The following CILP variants were observed in gnomAD, a reference collection of about 807,000 sequenced individuals.
The protein encoded by CILP is cartilage intermediate layer protein 1.
In CILP, 75 loss-of-function variants were observed where a neutral mutation model predicts 82.5. That is an observed-to-expected ratio of 0.91 (90% CI 0.75 to 1.10). The LOEUF (loss-of-function observed/expected upper bound fraction) is 1.10. Among genes scored for constraint, CILP ranks in the 50% least tolerant of loss-of-function variants. The pLI, the probability that CILP is intolerant of heterozygous loss-of-function variation, is 0.00. For missense variants in CILP, 1,479 were observed against 1,530.8 expected, an observed-to-expected ratio of 0.97 and a Z score of 0.56; for synonymous variants, 530 against 580.3, an observed-to-expected ratio of 0.91 and a Z score of 1.25.
chr15:65,199,443 C>T (rs1225274442), intron 8 of CILP, among the ~76,000 whole-genome samples: 2 of 152,226 alleles, frequency 1.3e-5, no homozygotes, highest in African/African-American at 2.4e-5. Context: ...ATGCCTGGCA[C>T]TGTTCTGCAT....
rs1255802255 is a variant in CILP, at chr15:65,196,326, A to G, written c.*405T>C. ...TATGAACTATGATCAAGGCTTGCCTATGTCCTGTGGAGCAAGGCCAAGAAA... is the reference window on the plus strand; with the variant it reads ...TATGAACTATGATCAAGGCTTGCCTGTGTCCTGTGGAGCAAGGCCAAGAAA... On this transcript the variant is annotated 3_prime_UTR_variant, in exon 9 of 9. Coordinates refer to ENST00000261883, the MANE Select transcript of CILP (RefSeq NM_003613.4). 10 of 164,956 alleles carry G rather than the reference A, an allele frequency of 6.1e-5. No homozygotes were observed. Among genetic ancestry groups the G allele is most frequent in the Admixed American group, 1.3e-4 (2 of 15,728 alleles). The allele number at this position is 164,956 out of a possible 1,614,324, so 10.2% of individuals were successfully genotyped here.
chr15:65,196,916 C>G lies in CILP; in HGVS notation c.3370G>C (p.Val1124Leu). The G allele has an allele frequency of 6.2e-7, 1 of 1,613,432 alleles. No homozygotes were observed. The highest frequency in any genetic ancestry group is 8.5e-7 in the Non-Finnish European group (1 of 1,179,648). Residue 1124 changes from valine to leucine, a missense_variant, in exon 9 of 9, where the codon GTA (valine) becomes CTA (leucine). Coordinates refer to ENST00000261883, the MANE Select transcript of CILP (RefSeq NM_003613.4). ...ALTFNCVERQ[V>L]GRQSAFQYLQ... is the part of the protein sequence containing the mutation. Reference sequence around the variant, plus strand: ...TACTGGAAGGCACTCTGGCGGCCTACTTGCCTCTCTACACAGTTGAAGGTG... The same window carrying G: ...TACTGGAAGGCACTCTGGCGGCCTAGTTGCCTCTCTACACAGTTGAAGGTG...
chr15:65,205,704 G>T (rs375646454), intron 4 of CILP, among the ~76,000 whole-genome samples: 4 of 152,238 alleles, frequency 2.6e-5, no homozygotes, highest in Non-Finnish European at 5.9e-5. Context: ...AGCGGTGCTT[G>T]TTGGCCAAGC....
chr15:65,209,625 G>A lies in CILP; in HGVS notation c.61+70C>T, dbSNP rs2088563291. The stretch of plus-strand genomic sequence containing the variant: ...TGTCTTAAGGCAGATGCATAGTTCA[G>A]TCCCAGACCAGACACAACCTCACTG... On this transcript the variant is annotated intron_variant, in intron 2 of 8. Coordinates refer to ENST00000261883, the MANE Select transcript of CILP (RefSeq NM_003613.4). The A allele has an allele frequency of 2.7e-6, 4 of 1,485,762 alleles. No individual in the cohort carries two copies. In the South Asian group the frequency reaches 3.4e-5, roughly 13 times the overall value. 92.0% of individuals were successfully genotyped at this position (1,485,762 alleles called of 1,614,324 possible). A position where few individuals can be genotyped will look rare whatever the true frequency, so the allele number is the denominator to read the frequency against.
intron 7 of CILP, among the ~76,000 whole-genome samples, 154 bp from the exon 8 acceptor site, chr15:65,202,183 T>C (rs554642730): frequency 6.6e-6 from 1 of 152,278 alleles, no homozygotes; most frequent in East Asian, 1.9e-4. Flanking sequence ...AGAGCACTAA[T>C]TGGCCTGGGA....
rs11856834 is a variant in CILP, at chr15:65,203,949, C to G, written c.919+319G>C. On this transcript the variant is annotated intron_variant, in intron 6 of 8. Coordinates refer to ENST00000261883, the MANE Select transcript of CILP (RefSeq NM_003613.4). The stretch of plus-strand genomic sequence containing the variant: ...CTCATACATTTGAGGGAGCAAGCCA[C>G]GCCAATATCTATGGGAAGAACATTC... 2.9e-3 allele frequency among the ~76,000 whole-genome samples: 438 copies of G among 152,102 alleles called. 3 individuals carry two copies. The highest frequency in any genetic ancestry group is 5.3e-3 in the Non-Finnish European group (361 of 67,982).
At chr15:65,207,127 C>A in intron 3 of CILP, 76 bp from the exon 4 acceptor site, 2 of 1,517,910 alleles carry the variant, frequency 1.3e-6, no homozygotes, top group South Asian at 1.3e-5. Context: ...TCACCCACCC[C>A]CAGCTGGCCT....
intron 1 of CILP, among the ~76,000 whole-genome samples, chr15:65,210,952 C>A (rs1056071850): frequency 6.6e-6 from 1 of 152,216 alleles, no homozygotes; most frequent in Non-Finnish European, 1.5e-5. Flanking sequence ...GCACTGCATT[C>A]AGCCTGAGCC....
At position 65,198,689 on chromosome 15, in the gene CILP, C is replaced by A. The variant is rs369489621; in HGVS notation, c.1597G>T (p.Asp533Tyr). The A allele has an allele frequency of 3.2e-5, 52 of 1,614,096 alleles. No individual in the cohort carries two copies. The highest frequency in any genetic ancestry group is 4.3e-5 in the Non-Finnish European group (51 of 1,180,054). Reference sequence around the variant, plus strand: ...AATGTGAGCACCAGCCTCTCAGTGTCCTGGGGGACATGGAGGGTGAAAGTG... The same window carrying A: ...AATGTGAGCACCAGCCTCTCAGTGTACTGGGGGACATGGAGGGTGAAAGTG... ...KGTFTLHVPQ[D>Y]TERLVLTFVD... Residue 533 changes from aspartate (D) to tyrosine (Y), a missense_variant, in exon 9 of 9, where the codon GAC becomes TAC. Transcript: ENST00000261883.
intron 2 of CILP, among the ~76,000 whole-genome samples, chr15:65,208,043 A>T (rs2140683228): frequency 6.6e-6 from 1 of 152,298 alleles, no homozygotes; most frequent in Middle Eastern, 3.4e-3. Flanking sequence ...CTTGTAGTGC[A>T]CACTCAGTGA....
rs764337893 is a variant in CILP, at chr15:65,205,386, C to T, written c.505G>A (p.Gly169Arg). 3.7e-5 allele frequency: 60 copies of T among 1,613,962 alleles called. No individual in the cohort carries two copies. In the South Asian group the frequency reaches 5.6e-4, roughly 15 times the overall value. ...SKCSAACGQT[G>R]VQTRTRICLA... Reference sequence around the variant, plus strand: ...CAAATGCGTGTGCGAGTCTGGACCCCAGTCTGACCACAGGCAGCTGAGCAC... The same window carrying T: ...CAAATGCGTGTGCGAGTCTGGACCCTAGTCTGACCACAGGCAGCTGAGCAC... The change falls in exon 5 of 9, where the codon GGG (glycine) becomes AGG (arginine). Residue 169 changes from glycine (G) to arginine (R), a missense_variant. By Grantham distance (125) the Gly-to-Arg change is moderately radical (BLOSUM62 -2). Coordinates refer to ENST00000261883, the MANE Select transcript of CILP (RefSeq NM_003613.4).
chr15:65,205,410 A>G lies in CILP; in HGVS notation c.481T>C (p.Cys161Arg), dbSNP rs1246360174. 6.2e-7 allele frequency: 1 copy of G among 1,614,026 alleles called. No individual in the cohort carries two copies. The highest frequency in any genetic ancestry group is 1.1e-5 in the South Asian group (1 of 91,080). The change falls in exon 5 of 9, where the codon TGC (cysteine) becomes CGC (arginine). Residue 161 changes from cysteine to arginine, a missense_variant. By Grantham distance (180) the Cys-to-Arg change is radical. Transcript: ENST00000261883. ...CCAGTCTGACCACAGGCAGCTGAGC[A>G]CTTGCTCCAGGGAGACCATGGGCTC... is the stretch of plus-strand genomic sequence containing the variant. ...IWSPWSPWSK[C>R]SAACGQTGVQ... is the part of the protein sequence containing the mutation.
chr15:65,210,514 G>A (rs1311017265), intron 1 of CILP, among the ~76,000 whole-genome samples: 1 of 152,228 alleles, frequency 6.6e-6, no homozygotes, highest in Non-Finnish European at 1.5e-5. Flanking sequence ...GCTGAGCGTG[G>A]GTGAGGAACT....
intron 8 of CILP, among the ~76,000 whole-genome samples, chr15:65,200,069 C>T (rs767269635): frequency 1.3e-5 from 2 of 152,052 alleles, no homozygotes; most frequent in Non-Finnish European, 2.9e-5. Flanking sequence ...TTATGGTGAC[C>T]CTGGATTTAA....
intron 2 of CILP, among the ~76,000 whole-genome samples, chr15:65,209,261 C>T (rs2088560186): frequency 6.6e-6 from 1 of 151,996 alleles, no homozygotes; most frequent in African/African-American, 2.4e-5. Context: ...AATTTGGCTG[C>T]AGGGTCTAAA....
rs756037666 is a variant in CILP, at chr15:65,205,271, G to A, written c.604+16C>T. The A allele has an allele frequency of 6.3e-7, 1 of 1,582,770 alleles. No individual in the cohort carries two copies. Among genetic ancestry groups the A allele is most frequent in the Admixed American group, 1.7e-5 (1 of 58,522 alleles). ...ACCCACCACACCCTGCCCAGTGCCA[G>A]GAGGGAGGGTGGTACCTGTACAGTC... On this transcript the variant is annotated intron_variant, in intron 5 of 8. Transcript: ENST00000261883.
chr15:65,199,184 C>A, intron 8 of CILP, 85 bp from the exon 9 acceptor site: 1 of 938,554 alleles, frequency 1.1e-6, no homozygotes, highest in Non-Finnish European at 1.6e-6. Context: ...CTACAGTATT[C>A]TATGGTTTTC....
At chr15:65,209,609 G>A in intron 2 of CILP, 86 bp downstream of exon 2, 1 of 1,285,026 alleles carries the variant, frequency 7.8e-7, no homozygotes. Flanking sequence ...GTGTCTTAAG[G>A]CAGATGCATA....
intron 8 of CILP, among the ~76,000 whole-genome samples, chr15:65,199,519 T>G (rs1323091662): frequency 6.6e-6 from 1 of 152,222 alleles, no homozygotes; most frequent in Non-Finnish European, 1.5e-5. Context: ...GTAGAAAACC[T>G]GTTTAAAGTG....
Sources: allele counts gnomAD v4.1 joint callset (sites outside exome capture counted in the v4.1 genomes callset), GRCh38; gene constraint gnomAD v4.1.1; transcripts MANE v1.5; gene names NCBI Gene and HGNC (gene_info 2026-07-23, HGNC 2026-07-21).